LINGO2: variants seen among roughly 807,000 people sequenced by gnomAD.
The protein encoded by LINGO2 is leucine rich repeat and Ig domain containing 2, also known as leucine-rich repeat and immunoglobulin-like domain-containing nogo receptor-interacting protein 2.
A neutral mutation model predicts 30.6 loss-of-function variants in LINGO2; 14 were observed. That is an observed-to-expected ratio of 0.46 (90% CI 0.30 to 0.72). The LOEUF (loss-of-function observed/expected upper bound fraction) is 0.72. Among genes scored for constraint, LINGO2 ranks in the 30% least tolerant of loss-of-function variants. The probability of loss-of-function intolerance (pLI) is 0.07; values close to 1 mark genes in which losing one functional copy is unlikely to be tolerated. For missense variants in LINGO2, 729 were observed against 751.7 expected, an observed-to-expected ratio of 0.97 and a Z score of 0.35; for synonymous variants, 317 against 288.5, an observed-to-expected ratio of 1.10 and a Z score of -1.00.
the LINGO2 span, among the ~76,000 whole-genome samples, chr9:28,997,683 C>A: frequency 6.6e-6 from 1 of 151,944 alleles, no homozygotes; most frequent in Non-Finnish European, 1.5e-5. Context: ...ATTAGCTGGG[C>A]ATGGTAGTGG....
intron 4 of LINGO2, among the ~76,000 whole-genome samples, chr9:28,161,462 T>C (rs543065536): frequency 7.5e-4 from 115 of 152,324 alleles, no homozygotes; most frequent in Non-Finnish European, 1.4e-3. Flanking sequence ...GTGAAATAAG[T>C]ATATAATTTA....
chr9:28,632,881 T>TATAGAGAGAGAG (rs1554648086), intron 1 of LINGO2, among the ~76,000 whole-genome samples: 2 of 61,914 alleles, frequency 3.2e-5, no homozygotes, highest in African/African-American at 1.4e-4. Context: ...TATATATATG[T>TATAGAGAGAGAG]AGAGAGAGAG....
At chr9:28,078,037 CT>C (rs1343777277) in intron 4 of LINGO2, among the ~76,000 whole-genome samples, 1 of 149,206 alleles carries the variant, frequency 6.7e-6, no homozygotes, top group East Asian at 1.9e-4. Flanking sequence ...TTTTGTAAAA[CT>C]TAAAGCTTAA....
intron 2 of LINGO2, among the ~76,000 whole-genome samples, chr9:28,432,464 CTGA>C (rs1165880079): frequency 6.6e-6 from 1 of 151,706 alleles, no homozygotes; most frequent in Non-Finnish European, 1.5e-5. Flanking sequence ...AAGAAAGGAA[CTGA>C]TGATGGAAAA....
At chr9:28,458,916 A>G (rs376057228) in intron 2 of LINGO2, among the ~76,000 whole-genome samples, 1 of 152,164 alleles carries the variant, frequency 6.6e-6, no homozygotes, top group Non-Finnish European at 1.5e-5. Flanking sequence ...GTACGTGCCT[A>G]TCCTTGTAGG....
chr9:28,183,308 G>A (rs910358719), intron 4 of LINGO2, among the ~76,000 whole-genome samples: 4 of 152,056 alleles, frequency 2.6e-5, no homozygotes, highest in Non-Finnish European at 5.9e-5. Flanking sequence ...CTGTTGAGGG[G>A]TGGGGGGCGA....
the LINGO2 span, among the ~76,000 whole-genome samples, chr9:28,679,939 G>GTT: frequency 1.6e-3 from 242 of 149,812 alleles, no homozygotes; most frequent in African/African-American, 5.5e-3. Flanking sequence ...CATACTTACC[G>GTT]TTTTTTTTTG....
chr9:28,059,084 G>C (rs147620499), intron 4 of LINGO2, among the ~76,000 whole-genome samples: 3 of 152,038 alleles, frequency 2.0e-5, no homozygotes, highest in African/African-American at 7.3e-5. Flanking sequence ...GCTGAGTGTT[G>C]GGAGGGAAAC....
At chr9:28,447,063 T>A (rs528498045) in intron 2 of LINGO2, among the ~76,000 whole-genome samples, 1 of 152,170 alleles carries the variant, frequency 6.6e-6, no homozygotes, top group African/African-American at 2.4e-5. Context: ...CTAACTCTTA[T>A]GAGGATTTAG....
intron 3 of LINGO2, among the ~76,000 whole-genome samples, chr9:28,296,689 C>T (rs2134190084): frequency 6.6e-6 from 1 of 152,202 alleles, no homozygotes; most frequent in East Asian, 1.9e-4. Flanking sequence ...CAAAATAATT[C>T]CTTAAACAAA....
intron 1 of LINGO2, among the ~76,000 whole-genome samples, chr9:28,560,538 T>C (rs1027450216): frequency 2.0e-5 from 3 of 152,130 alleles, no homozygotes; most frequent in African/African-American, 7.2e-5. Flanking sequence ...ATACACATCC[T>C]ATTGATTGTC....
chr9:29,052,193 T>A, the LINGO2 span, among the ~76,000 whole-genome samples: 6 of 152,124 alleles, frequency 3.9e-5, no homozygotes, highest in African/African-American at 1.4e-4. Flanking sequence ...ATAAAAGAAC[T>A]GGGTCTCAGA....
the LINGO2 span, among the ~76,000 whole-genome samples, chr9:28,701,279 T>C: frequency 6.6e-6 from 1 of 152,046 alleles, no homozygotes; most frequent in African/African-American, 2.4e-5. Flanking sequence ...CTAGGATTTT[T>C]ATAGTTTTGT....
intron 1 of LINGO2, among the ~76,000 whole-genome samples, chr9:28,619,046 T>C (rs144054792): frequency 3.4e-4 from 52 of 152,264 alleles, no homozygotes; most frequent in African/African-American, 1.3e-3. Flanking sequence ...GGGACTACAA[T>C]AAGGTCTTAC....
At chr9:28,617,913 T>C (rs1826212526) in intron 1 of LINGO2, among the ~76,000 whole-genome samples, 1 of 152,168 alleles carries the variant, frequency 6.6e-6, no homozygotes, top group Non-Finnish European at 1.5e-5. Context: ...TGAAAAAAGA[T>C]ACATGGTATA....
At chr9:29,071,208 A>G in the LINGO2 span, among the ~76,000 whole-genome samples, 4 of 86,820 alleles carry the variant, frequency 4.6e-5, no homozygotes, top group Non-Finnish European at 7.1e-5. Flanking sequence ...TGTATTTTTT[A>G]GAGACAGGGT....
Position 28,130,182 on chromosome 9 carries a change from G to C in LINGO2, c.-86-117777C>G, listed in dbSNP as rs1379684176. 6.6e-6 allele frequency among the ~76,000 whole-genome samples: 1 copy of C among 152,144 alleles called. No homozygotes were observed. Among genetic ancestry groups the C allele is most frequent in the African/African-American group, 2.4e-5 (1 of 41,444 alleles). On this transcript the variant is annotated intron_variant, in intron 4 of 5. Coordinates refer to ENST00000379992, the Ensembl canonical transcript of LINGO2. The surrounding 1 kb of genome is among the most constrained non-coding windows in gnomAD (Gnocchi z 5.2). ...AGTTGTGCCTTCATTTTAACCACTG[G>C]TTTGAACTCTAGACCCTCTAAAATA...
At chr9:28,295,059 C>G (rs1823873549) in intron 4 of LINGO2, 149 bp downstream of exon 6, 1 of 152,140 alleles carries the variant, frequency 6.6e-6, no homozygotes, top group Non-Finnish European at 1.5e-5. Flanking sequence ...ATGCATTCTC[C>G]TAAATCCAAG....
chr9:29,057,013 A>G, the LINGO2 span, among the ~76,000 whole-genome samples: 2 of 152,056 alleles, frequency 1.3e-5, no homozygotes, highest in African/African-American at 4.8e-5. Context: ...AAGTCGGGTA[A>G]TGTGATGCCT....
Sources: allele counts gnomAD v4.1 joint callset (sites outside exome capture counted in the v4.1 genomes callset), GRCh38; gene constraint gnomAD v4.1.1; non-coding constraint Gnocchi (gnomAD v3.1); transcripts MANE v1.5; gene names NCBI Gene and HGNC (gene_info 2026-07-23, HGNC 2026-07-21).